Variants in PTPN13 observed in about 807,000 individuals in gnomAD.
PTPN13 encodes tyrosine-protein phosphatase non-receptor type 13.
Under a neutral mutation model 284.0 loss-of-function variants are expected in PTPN13, and 191 were observed. That is an observed-to-expected ratio of 0.67 (90% CI 0.60 to 0.76). PTPN13 has a LOEUF of 0.76. Among genes scored for constraint, PTPN13 ranks in the 30% least tolerant of loss-of-function variants. The pLI is 0.00. For synonymous variants in PTPN13, 986 were observed against 1,022.3 expected (o/e 0.96, Z 0.68); for missense variants, 2,797 against 2,939.9 (o/e 0.95, Z 1.12).
At chr4:86,673,982 C>G (rs542020300) in intron 3 of PTPN13, among the ~76,000 whole-genome samples, 1 of 152,284 alleles carries the variant, frequency 6.6e-6, no homozygotes, top group Admixed American at 6.5e-5. Context: ...GCTGGGATTA[C>G]AAGTGTGAGC....
intron 7 of PTPN13, among the ~76,000 whole-genome samples, chr4:86,702,022 A>C (rs1335251683): frequency 6.6e-6 from 1 of 152,170 alleles, no homozygotes; most frequent in Admixed American, 6.5e-5. Context: ...AAAAATGCCC[A>C]GTCACGTTAT....
At chr4:86,677,838 T>C (rs1026939189) in intron 3 of PTPN13, among the ~76,000 whole-genome samples, 1 of 152,228 alleles carries the variant, frequency 6.6e-6, no homozygotes, top group Non-Finnish European at 1.5e-5. Context: ...TTCCATCTTA[T>C]TAGTTTTTAA....
chr4:86,693,562 T>C, intron 5 of PTPN13, 25 bp from the exon 6 acceptor site: 1 of 1,446,044 alleles, frequency 6.9e-7, no homozygotes, highest in South Asian at 1.4e-5. Flanking sequence ...TTTGTCAAAC[T>C]TGATTTTTTA....
intron 2 of PTPN13, among the ~76,000 whole-genome samples, chr4:86,671,153 T>C (rs1021839888): frequency 3.9e-5 from 6 of 152,328 alleles, no homozygotes; most frequent in Admixed American, 3.3e-4. Flanking sequence ...GAATGACTTT[T>C]AGTAGTTTAC....
Position 86,722,387 on chromosome 4 carries a change from T to A in PTPN13, c.1561T>A (p.Leu521Ile). 6.2e-7 allele frequency: 1 copy of A among 1,613,728 alleles called. No individual in the cohort carries two copies. Among genetic ancestry groups the A allele is most frequent in the Non-Finnish European group, 8.5e-7 (1 of 1,179,782 alleles). The stretch of plus-strand genomic sequence containing the variant: ...CATGCTTGACATCACCAGGGATCCG[T>A]TAAGAGAAATTGCCCTAGAAACAGC... ...ASMLDITRDPLREIALETAMT... is the reference protein window; with the variant it reads ...ASMLDITRDPIREIALETAMT... The change falls in exon 10 of 48, where the codon TTA (leucine) becomes ATA (isoleucine). Residue 521 changes from leucine to isoleucine, a missense_variant. Coordinates refer to ENST00000411767, the MANE Select transcript of PTPN13 (RefSeq NM_080683.3).
intron 2 of PTPN13, among the ~76,000 whole-genome samples, chr4:86,641,226 A>C (rs17011968): frequency 0.059 from 8,987 of 152,208 alleles, 382 homozygotes; most frequent in African/African-American, 0.1. Context: ...CTCTCTTAGA[A>C]TCCTTATGCA....
chr4:86,693,722 T>C, intron 6 of PTPN13, 48 bp downstream of exon 6: 1 of 1,326,854 alleles, frequency 7.5e-7, no homozygotes, highest in Non-Finnish European at 1.0e-6. Flanking sequence ...CTTATCCCAT[T>C]GTTTTCTTTA....
intron 47 of PTPN13, among the ~76,000 whole-genome samples, chr4:86,813,440 GGTTT>G (rs892515011): frequency 7.9e-5 from 12 of 152,018 alleles, no homozygotes; most frequent in South Asian, 2.1e-4. Context: ...CTTATTTTTT[GGTTT>G]GTTTGTTTGT....
intron 41 of PTPN13, among the ~76,000 whole-genome samples, chr4:86,798,006 C>T (rs1196984273): frequency 1.3e-5 from 2 of 152,152 alleles, no homozygotes; most frequent in African/African-American, 4.8e-5. Flanking sequence ...TGATACCAGC[C>T]ATTTAGTTAA....
chr4:86,751,166 G>A, intron 19 of PTPN13, 42 bp downstream of exon 19: 1 of 1,352,868 alleles, frequency 7.4e-7, no homozygotes, highest in Middle Eastern at 1.8e-4. Flanking sequence ...CATACCTCAT[G>A]CTCAGAGGGA....
chr4:86,621,323 A>G (rs1006318334), intron 1 of PTPN13, among the ~76,000 whole-genome samples: 3 of 152,340 alleles, frequency 2.0e-5, no homozygotes, highest in African/African-American at 7.2e-5. Context: ...TACCGTATAA[A>G]TTTTAATTAA....
chr4:86,613,248 A>G (rs1254480699), intron 1 of PTPN13, among the ~76,000 whole-genome samples: 1 of 152,210 alleles, frequency 6.6e-6, no homozygotes, highest in African/African-American at 2.4e-5. Flanking sequence ...GCACTTACCA[A>G]AATTCCAGAT....
Position 86,785,379 on chromosome 4 carries a change from C to T in PTPN13, c.6256+11C>T, listed in dbSNP as rs67067959. ...ACTCCTGTGGTCCAGGTACGTGAAC[C>T]AGATGAATAAATTGGTATACTATGG... is the stretch of plus-strand genomic sequence containing the variant. On this transcript the variant is annotated intron_variant, in intron 39 of 47. Transcript: ENST00000411767. 163,985 of 1,597,070 alleles carry T rather than the reference C, an allele frequency of 0.1. 9,402 individuals carry two copies. The highest frequency in any genetic ancestry group is 0.11 in the Non-Finnish European group (132,629 of 1,169,782).
intron 2 of PTPN13, among the ~76,000 whole-genome samples, chr4:86,646,771 T>C (rs112287621): frequency 6.6e-6 from 1 of 152,244 alleles, no homozygotes; most frequent in African/African-American, 2.4e-5. Flanking sequence ...TGAATGTTCA[T>C]AGCACATTTC....
At chr4:86,716,986 A>G (rs1462373933) in intron 8 of PTPN13, 38 bp from the exon 9 acceptor site, 1 of 1,401,054 alleles carries the variant, frequency 7.1e-7, no homozygotes, top group Admixed American at 1.8e-5. Context: ...TCATGTTTCT[A>G]TCACCTGTGC....
chr4:86,655,782 T>G (rs1441915580), intron 2 of PTPN13, among the ~76,000 whole-genome samples: 1 of 152,204 alleles, frequency 6.6e-6, no homozygotes, highest in African/African-American at 2.4e-5. Flanking sequence ...AATTTGAACG[T>G]TGGCCTGCCT....
chr4:86,621,238 A>G (rs1721203994), intron 1 of PTPN13, among the ~76,000 whole-genome samples: 1 of 152,214 alleles, frequency 6.6e-6, no homozygotes, highest in African/African-American at 2.4e-5. Context: ...AATCTCTTGT[A>G]TTCACAATAA....
intron 2 of PTPN13, among the ~76,000 whole-genome samples, chr4:86,647,548 T>G: frequency 6.6e-6 from 1 of 151,990 alleles, no homozygotes; most frequent in East Asian, 1.9e-4. Flanking sequence ...GAGAAAAATT[T>G]TAAAAATTTT....
At chr4:86,808,382 T>A (rs2149386749) in intron 45 of PTPN13, among the ~76,000 whole-genome samples, 1 of 152,354 alleles carries the variant, frequency 6.6e-6, no homozygotes, top group Admixed American at 6.5e-5. Flanking sequence ...AACCACTGGA[T>A]CAATCTAGCT....
Sources: allele counts gnomAD v4.1 joint callset (sites outside exome capture counted in the v4.1 genomes callset), GRCh38; gene constraint gnomAD v4.1.1; transcripts MANE v1.5; gene names NCBI Gene and HGNC (gene_info 2026-07-23, HGNC 2026-07-21).